The following BROX variants were observed in gnomAD, a reference collection of about 807,000 sequenced individuals.
BROX encodes the protein BRO1 domain-containing protein BROX.
A neutral mutation model predicts 61.0 loss-of-function variants in BROX; 53 were observed. That is an observed-to-expected ratio of 0.87 (90% CI 0.70 to 1.09). The LOEUF (loss-of-function observed/expected upper bound fraction) is 1.09, where lower values mean the gene tolerates loss of function less well. BROX is among the 50% of genes least tolerant of loss of function. The pLI, the probability that BROX is intolerant of heterozygous loss-of-function variation, is 0.00. For synonymous variants in BROX, 152 were observed against 160.2 expected, an observed-to-expected ratio of 0.95 and a Z score of 0.38; for missense variants, 489 against 472.0, an observed-to-expected ratio of 1.04 and a Z score of -0.33.
rs1656887446 is a variant in BROX at position 222,719,353 on chromosome 1, T to C, written c.299T>C (p.Val100Ala). ...TGGACTGATACATTGCAAGGACAGG[T>C]TCCAAGGTAAGCAACACTAAAGTAA... ...FKWTDTLQGQ[V>A]PSAQQDAVFE... The change falls in exon 4 of 13, where the codon GTT becomes GCT. Residue 100 changes from valine to alanine, a missense_variant. Transcript: ENST00000340934. 6.2e-7 allele frequency: 1 copy of C among 1,603,170 alleles called. No homozygotes were observed. Among genetic ancestry groups the C allele is most frequent in the Non-Finnish European group, 8.5e-7 (1 of 1,170,518 alleles).
intron 5 of BROX, among the ~76,000 whole-genome samples, chr1:222,723,341 A>G (rs1208286339): frequency 2.6e-5 from 4 of 152,124 alleles, no homozygotes; most frequent in South Asian, 2.1e-4. Flanking sequence ...AGTTCTCACT[A>G]TGTTTCCTGG....
chr1:222,721,179 A>G (rs931134804), intron 4 of BROX, among the ~76,000 whole-genome samples: 7 of 152,206 alleles, frequency 4.6e-5, no homozygotes, highest in African/African-American at 1.4e-4. Flanking sequence ...AGACATGTCC[A>G]CTAGATCTCC....
intron 2 of BROX, among the ~76,000 whole-genome samples, chr1:222,716,409 A>AT (rs1656616359): frequency 6.6e-6 from 1 of 152,186 alleles, no homozygotes; most frequent in Non-Finnish European, 1.5e-5. Context: ...CTATAGGGAC[A>AT]TTTTAAATTG....
intron 12 of BROX, among the ~76,000 whole-genome samples, chr1:222,732,308 C>T (rs1657999628): frequency 6.6e-6 from 1 of 152,084 alleles, no homozygotes; most frequent in Admixed American, 6.5e-5. Flanking sequence ...TGGTGTGCTG[C>T]ACCCATTAAC....
rs954657984 is a variant in BROX at position 222,734,761 on chromosome 1, CTTTTAGGTACTTGTGCTTATT to C, written c.*2048_*2068del. The C allele has an allele frequency of 6.6e-6, 1 of 152,150 alleles. No homozygotes were observed. The highest frequency in any genetic ancestry group is 1.5e-5 in the Non-Finnish European group (1 of 68,018). The allele number at this position is 152,150 out of a possible 1,614,324, so 9.4% of individuals were successfully genotyped here. A position where few individuals can be genotyped will look rare whatever the true frequency, so the allele number is the denominator to read the frequency against. Reference sequence around the variant, plus strand: ...TACTCTGTGGCTGTGGGACCTGTTTCTTTTAGGTACTTGTGCTTATTAATCTACTTACTAAATTTTCACATT... The same window carrying C: ...TACTCTGTGGCTGTGGGACCTGTTTCAATCTACTTACTAAATTTTCACATT... On this transcript the variant is annotated 3_prime_UTR_variant, in exon 13 of 13. Transcript: ENST00000340934.
chr1:222,713,465 A>G (rs1656241649), intron 1 of BROX: 4 of 979,872 alleles, frequency 4.1e-6, no homozygotes, highest in Non-Finnish European at 4.8e-6. Flanking sequence ...GTCCCTTGTT[A>G]GGAGCGGGAG....
Position 222,725,486 on chromosome 1 carries a change from A to G in BROX, c.511A>G (p.Lys171Glu). The change falls in exon 7 of 13, where the codon AAA (lysine) becomes GAA (glutamate). Residue 171 changes from lysine (K) to glutamate (E), a missense_variant. Lys to Glu is a moderately conservative substitution (Grantham distance 56). Transcript: ENST00000340934. ...HLPKLITPAE[K>E]GRDLESRLIE... Reference sequence around the variant, plus strand: ...CCCAAAACTCATTACACCTGCGGAAAAAGGAAGAGATTTAGAGTCACGACT... The same window carrying G: ...CCCAAAACTCATTACACCTGCGGAAGAAGGAAGAGATTTAGAGTCACGACT... 2 of 1,612,928 alleles carry G rather than the reference A, an allele frequency of 1.2e-6. No homozygotes were observed. Among genetic ancestry groups the G allele is most frequent in the Non-Finnish European group, 1.7e-6 (2 of 1,179,628 alleles).
Position 222,725,456 on chromosome 1 carries a change from C to T in BROX, c.481C>T (p.His161Tyr). 6.3e-7 allele frequency: 1 copy of T among 1,594,284 alleles called. No individual in the cohort carries two copies. Among genetic ancestry groups the T allele is most frequent in the Non-Finnish European group, 8.5e-7 (1 of 1,173,414 alleles). The change falls in exon 7 of 13, where the codon CAT becomes TAT. Residue 161 changes from histidine to tyrosine, a missense_variant. Transcript: ENST00000340934. ...AGIFKHLKES[H>Y]LPKLITPAEK... is the part of the protein sequence containing the mutation. ...TTTTTGTTGTTGTTCTCAGGAAAGT[C>T]ATCTCCCAAAACTCATTACACCTGC...
chr1:222,725,549 CAA>C lies in BROX; in HGVS notation c.575_576del (p.Gln192ArgfsTer9). On this transcript the variant is annotated frameshift_variant, in exon 7 of 13. Transcript: ENST00000340934. LOFTEE classifies it high-confidence loss of function. ...AYVIQCQAEA[Q>X]EVTIARAIEL... ...CGTTATTCAATGTCAGGCTGAAGCT[CAA>C]GAAGGTATCCTAAATATTGTAAGAT... 6.3e-7 allele frequency: 1 copy of C among 1,595,272 alleles called. No homozygotes were observed. Among genetic ancestry groups the C allele is most frequent in the Non-Finnish European group, 8.6e-7 (1 of 1,169,210 alleles).
chr1:222,725,540 G>A lies in BROX; in HGVS notation c.565G>A (p.Ala189Thr). Residue 189 changes from alanine to threonine, a missense_variant, in exon 7 of 13, where the codon GCT (alanine) becomes ACT (threonine). Transcript: ENST00000340934. ...AGAAGCATACGTTATTCAATGTCAG[G>A]CTGAAGCTCAAGAAGGTATCCTAAA... is the stretch of plus-strand genomic sequence containing the variant. ...LIEAYVIQCQ[A>T]EAQEVTIARA... 6.2e-7 allele frequency: 1 copy of A among 1,605,648 alleles called. No individual in the cohort carries two copies. Among genetic ancestry groups the A allele is most frequent in the Non-Finnish European group, 8.5e-7 (1 of 1,175,916 alleles).
chr1:222,732,864 T>G lies in BROX; in HGVS notation c.*150T>G. 1.6e-6 allele frequency: 1 copy of G among 616,760 alleles called. No individual in the cohort carries two copies. Among genetic ancestry groups the G allele is most frequent in the Non-Finnish European group, 2.8e-6 (1 of 359,292 alleles). 38.2% of individuals were successfully genotyped at this position (616,760 alleles called of 1,614,324 possible). A position where few individuals can be genotyped will look rare whatever the true frequency, so the allele number is the denominator to read the frequency against. On this transcript the variant is annotated 3_prime_UTR_variant, in exon 13 of 13. Coordinates refer to ENST00000340934, the MANE Select transcript of BROX (RefSeq NM_144695.4). ...GCCTTCAGCTTACTTGTTCTTAATTTTTAATACAGCGGAGATGTTTCTTGC... is the reference window on the plus strand; with the variant it reads ...GCCTTCAGCTTACTTGTTCTTAATTGTTAATACAGCGGAGATGTTTCTTGC...
chr1:222,722,594 T>G, intron 5 of BROX, 80 bp downstream of exon 5: 3 of 1,005,672 alleles, frequency 3.0e-6, no homozygotes, highest in Non-Finnish European at 4.4e-6. Flanking sequence ...AAATCTATTT[T>G]AAAAAGTACC....
At chr1:222,728,908 A>C (rs1657725715) in intron 9 of BROX, 80 bp downstream of exon 9, 1 of 979,064 alleles carries the variant, frequency 1.0e-6, no homozygotes, top group Non-Finnish European at 1.5e-6. Context: ...ATCTCACCAG[A>C]GTCTTTCATT....
chr1:222,729,922 G>C (rs1425177774), intron 10 of BROX, 105 bp from the exon 11 acceptor site: 1 of 1,108,404 alleles, frequency 9.0e-7, no homozygotes, highest in Admixed American at 2.3e-5. Flanking sequence ...TATTATATTA[G>C]GTAAAGAGCA....
intron 1 of BROX, chr1:222,713,693 T>C (rs1656274435): frequency 6.6e-6 from 1 of 152,596 alleles, no homozygotes; most frequent in Non-Finnish European, 1.5e-5. Flanking sequence ...ACTTCAGACA[T>C]TTTCATCCAG....
At chr1:222,729,722 A>G in intron 10 of BROX, 21 bp downstream of exon 10, 1 of 1,592,054 alleles carries the variant, frequency 6.3e-7, no homozygotes, top group Non-Finnish European at 8.6e-7. Context: ...CTGCCAGAAT[A>G]TTAACTCCCC....
chr1:222,720,301 G>A (rs748376632), intron 4 of BROX, among the ~76,000 whole-genome samples: 15 of 151,984 alleles, frequency 9.9e-5, no homozygotes, highest in East Asian at 5.8e-4. Flanking sequence ...ATTTTATGTC[G>A]AATTCATAAT....
At chr1:222,715,647 T>C in intron 1 of BROX, 37 bp from the exon 2 acceptor site, 2 of 897,082 alleles carry the variant, frequency 2.2e-6, no homozygotes, top group South Asian at 5.1e-5. Context: ...ATATTTTATA[T>C]TTAATTTTTG....
chr1:222,719,674 C>T (rs1656920508), intron 4 of BROX, among the ~76,000 whole-genome samples: 1 of 152,198 alleles, frequency 6.6e-6, no homozygotes, highest in Non-Finnish European at 1.5e-5. Context: ...TATGTGCCTA[C>T]ATTCAAGCTG....
Sources: allele counts gnomAD v4.1 joint callset (sites outside exome capture counted in the v4.1 genomes callset), GRCh38; gene constraint gnomAD v4.1.1; transcripts MANE v1.5; gene names NCBI Gene and HGNC (gene_info 2026-07-23, HGNC 2026-07-21).